Variants in MYO3B observed in about 807,000 individuals in gnomAD.
MYO3B encodes the protein myosin IIIB, also known as myosin-IIIb.
In MYO3B, 156 loss-of-function variants were observed where a neutral mutation model predicts 174.6. The observed-to-expected ratio is 0.89, with a 90% confidence interval of 0.78 to 1.02. The LOEUF (loss-of-function observed/expected upper bound fraction) is 1.02. Ranked by LOEUF, MYO3B falls within the 50% of genes least tolerant of loss-of-function variation. The probability of loss-of-function intolerance (pLI) is 0.00; values close to 1 mark genes in which losing one functional copy is unlikely to be tolerated. For synonymous variants in MYO3B, 563 were observed against 569.1 expected, an observed-to-expected ratio of 0.99 and a Z score of 0.15; for missense variants, 1,632 against 1,639.4, an observed-to-expected ratio of 1.00 and a Z score of 0.08.
intron 32 of MYO3B, among the ~76,000 whole-genome samples, chr2:170,592,331 T>A (rs1693868156): frequency 6.6e-6 from 1 of 152,088 alleles, no homozygotes; most frequent in Non-Finnish European, 1.5e-5. Flanking sequence ...TTCAAAGACA[T>A]AGGATTCAAG....
At chr2:170,203,504 G>GA (rs2092684906) in intron 3 of MYO3B, among the ~76,000 whole-genome samples, 1 of 140,202 alleles carries the variant, frequency 7.1e-6, no homozygotes, top group South Asian at 2.4e-4. Flanking sequence ...GCGGCGGGGG[G>GA]GGGAGGGAGG....
chr2:170,415,541 A>G (rs533777634), intron 22 of MYO3B, among the ~76,000 whole-genome samples: 1 of 152,228 alleles, frequency 6.6e-6, no homozygotes, highest in Non-Finnish European at 1.5e-5. Context: ...CAAAGCCTTA[A>G]AATATATCTG....
intron 7 of MYO3B, among the ~76,000 whole-genome samples, chr2:170,277,671 A>G (rs984589352): frequency 2.6e-5 from 4 of 152,136 alleles, no homozygotes; most frequent in African/African-American, 7.2e-5. Context: ...TTTTACCTGT[A>G]CTATTTCATC....
chr2:170,217,443 G>A (rs2092843009), intron 6 of MYO3B, 48 bp downstream of exon 6: 1 of 1,482,946 alleles, frequency 6.7e-7, no homozygotes, highest in African/African-American at 1.4e-5. Context: ...TGAATGCCTT[G>A]GTACTATGCC....
chr2:170,464,642 G>A (rs1482130684), intron 24 of MYO3B, among the ~76,000 whole-genome samples: 2 of 152,168 alleles, frequency 1.3e-5, no homozygotes, highest in African/African-American at 2.4e-5. Flanking sequence ...AATTGCAGGG[G>A]CCCCAGACCT....
At chr2:170,531,121 T>C (rs960864898) in intron 30 of MYO3B, among the ~76,000 whole-genome samples, 1 of 152,238 alleles carries the variant, frequency 6.6e-6, no homozygotes, top group Admixed American at 6.5e-5. Context: ...TCTCTTTCTT[T>C]ATGCTTTCCT....
intron 25 of MYO3B, among the ~76,000 whole-genome samples, chr2:170,471,678 C>T (rs182282308): frequency 3.9e-5 from 6 of 152,196 alleles, no homozygotes; most frequent in Admixed American, 3.3e-4. Context: ...ATTGAATTGT[C>T]CTTGGATTCT....
At chr2:170,520,108 A>G (rs7595354) in intron 30 of MYO3B, 32,997 of 152,244 alleles carry the variant, frequency 0.22, 3,599 homozygotes, top group Admixed American at 0.27. Context: ...CAGGTTAAAC[A>G]TCCTCCCCCT....
chr2:170,597,945 T>G (rs1222235557), intron 32 of MYO3B, among the ~76,000 whole-genome samples: 1 of 152,192 alleles, frequency 6.6e-6, no homozygotes, highest in Non-Finnish European at 1.5e-5. Flanking sequence ...GTGCAACCTA[T>G]TTCTCAACAT....
chr2:170,607,850 C>T (rs551268842), intron 32 of MYO3B, among the ~76,000 whole-genome samples: 98 of 152,212 alleles, frequency 6.4e-4, no homozygotes, highest in African/African-American at 2.2e-3. Flanking sequence ...ATTTAGTAGA[C>T]GCTCTAGGTA....
At chr2:170,519,200 G>T (rs999931762) in intron 29 of MYO3B, among the ~76,000 whole-genome samples, 8 of 152,112 alleles carry the variant, frequency 5.3e-5, no homozygotes, top group African/African-American at 1.7e-4. Flanking sequence ...GCCAGAGAGA[G>T]GTAGCTTGTT....
intron 25 of MYO3B, among the ~76,000 whole-genome samples, chr2:170,467,624 A>T (rs1396169966): frequency 6.6e-6 from 1 of 152,008 alleles, no homozygotes; most frequent in Non-Finnish European, 1.5e-5. Context: ...AAGGCAATCA[A>T]GAAAAAAAAA....
At chr2:170,599,875 T>A (rs1694390551) in intron 32 of MYO3B, among the ~76,000 whole-genome samples, 1 of 152,244 alleles carries the variant, frequency 6.6e-6, no homozygotes, top group Admixed American at 6.5e-5. Context: ...TTTGCTTTTA[T>A]CATTTTTTAA....
At chr2:170,383,036 A>G in intron 10 of MYO3B, 37 bp from the exon 11 acceptor site, 1 of 1,290,824 alleles carries the variant, frequency 7.7e-7, no homozygotes, top group Non-Finnish European at 1.1e-6. Flanking sequence ...TTGACTGGGA[A>G]TAATATTTAC....
In MYO3B at chr2:170,464,970, G is replaced by A. The variant is rs575174560; in HGVS notation, c.2808+1525G>A. 1.0e-3 allele frequency among the ~76,000 whole-genome samples: 154 copies of A among 151,960 alleles called. 1 individual carries two copies. Among genetic ancestry groups the A allele is most frequent in the African/African-American group, 3.5e-3 (145 of 41,454 alleles). On this transcript the variant is annotated intron_variant, in intron 24 of 34. Transcript: ENST00000408978. ...CAACCTCCGCCTCCTGGGTTCAAGC[G>A]ATTCTCCTGCGTCAGCCTCCCACGT...
chr2:170,518,920 C>T (rs982900480), intron 29 of MYO3B, among the ~76,000 whole-genome samples: 2 of 152,208 alleles, frequency 1.3e-5, no homozygotes, highest in Middle Eastern at 3.2e-3. Context: ...GTATTTGTTA[C>T]CCTCATTGTT....
rs10538086 is a variant in MYO3B at position 170,301,874 on chromosome 2, C to CT, written c.750-33486dup. On this transcript the variant is annotated intron_variant, in intron 7 of 34. Coordinates refer to ENST00000408978, the MANE Select transcript of MYO3B (RefSeq NM_138995.5). Reference sequence around the variant, plus strand: ...AGCGGCCACATAGGCAAAGTGGAGGCTTTTTTTTTTTTTTTTTTTTTTTTT... The same window carrying CT: ...AGCGGCCACATAGGCAAAGTGGAGGCTTTTTTTTTTTTTTTTTTTTTTTTTT... Among the ~76,000 whole-genome samples, 524 of 74,724 alleles carry CT rather than the reference C, an allele frequency of 7.0e-3. 8 individuals are homozygous for CT. Among genetic ancestry groups the CT allele is most frequent in the Non-Finnish European group, 8.3e-3 (348 of 41,686 alleles). 49.0% of individuals were successfully genotyped at this position (74,724 alleles called of 152,430 possible).
At chr2:170,475,694 T>G (rs561493282) in intron 25 of MYO3B, among the ~76,000 whole-genome samples, 136 of 152,310 alleles carry the variant, frequency 8.9e-4, no homozygotes, top group African/African-American at 3.2e-3. Flanking sequence ...CCACCAGAAT[T>G]ACGTTTATAA....
intron 32 of MYO3B, among the ~76,000 whole-genome samples, chr2:170,630,113 C>A (rs1048551269): frequency 1.3e-5 from 2 of 152,170 alleles, no homozygotes; most frequent in African/African-American, 4.8e-5. Context: ...CATTGCCTCA[C>A]CTGAGAAGCA....
Sources: allele counts gnomAD v4.1 joint callset (sites outside exome capture counted in the v4.1 genomes callset), GRCh38; gene constraint gnomAD v4.1.1; transcripts MANE v1.5; gene names NCBI Gene and HGNC (gene_info 2026-07-23, HGNC 2026-07-21).